The following ORMDL2 variants were observed in gnomAD, a reference collection of about 807,000 sequenced individuals.
The protein encoded by ORMDL2 is ORMDL sphingolipid biosynthesis regulator 2.
A neutral mutation model predicts 13.5 loss-of-function variants in ORMDL2; 11 were observed. That is an observed-to-expected ratio of 0.82 (90% CI 0.51 to 1.35). The LOEUF is 1.35. Among genes scored for constraint, ORMDL2 ranks in the 40% most tolerant of loss-of-function variants. The probability of loss-of-function intolerance (pLI) is 0.00; values close to 1 mark genes in which losing one functional copy is unlikely to be tolerated. For missense variants in ORMDL2, 160 were observed against 191.1 expected (o/e 0.84, Z 0.96); for synonymous variants, 73 against 76.5 (o/e 0.95, Z 0.24).
chr12:55,818,900 C>A, intron 1 of ORMDL2, 99 bp from the exon 2 acceptor site: 1 of 994,496 alleles, frequency 1.0e-6, no homozygotes. Flanking sequence ...CAATAGAGTT[C>A]AGGGGATTGG....
rs1880596988 is a variant in ORMDL2, at chr12:55,819,257, A to G, written c.174+84A>G. 5 of 1,589,094 alleles carry G rather than the reference A, an allele frequency of 3.1e-6. No individual in the cohort carries two copies. The Admixed American group carries it at 8.5e-5, about 27-fold the overall frequency. On this transcript the variant is annotated intron_variant, in intron 2 of 3. Coordinates refer to ENST00000243045, the MANE Select transcript of ORMDL2 (RefSeq NM_014182.5). Reference sequence around the variant, plus strand: ...AAAATCACCAATTGTTTGGGGATTTATGTGTTCCTTTTGGGATCTTAACAT... The same window carrying G: ...AAAATCACCAATTGTTTGGGGATTTGTGTGTTCCTTTTGGGATCTTAACAT...
rs1181345443 is a variant in ORMDL2 at position 55,820,756 on chromosome 12, C to T, written c.*361C>T. ...TTTTTCTTACAATAATTTTTTTCAG[C>T]TATAGCTGCAGTTTAATCAGGATGG... On this transcript the variant is annotated 3_prime_UTR_variant, in exon 4 of 4. Coordinates refer to ENST00000243045, the MANE Select transcript of ORMDL2 (RefSeq NM_014182.5). The T allele has an allele frequency of 8.3e-6, 2 of 241,488 alleles. No individual in the cohort carries two copies. Among genetic ancestry groups the T allele is most frequent in the Non-Finnish European group, 8.4e-6 (1 of 119,336 alleles). The allele number at this position is 241,488 out of a possible 1,614,324, so 15.0% of individuals were successfully genotyped here.
chr12:55,820,694 T>A lies in ORMDL2; in HGVS notation c.*299T>A. 1 of 374,484 alleles carries A rather than the reference T, an allele frequency of 2.7e-6. No homozygotes were observed. Among genetic ancestry groups the A allele is most frequent in the East Asian group, 4.9e-5 (1 of 20,392 alleles). The allele number at this position is 374,484 out of a possible 1,614,324, so 23.2% of individuals were successfully genotyped here. On this transcript the variant is annotated 3_prime_UTR_variant, in exon 4 of 4. Transcript: ENST00000243045. ...TGGTGATTACATCTTTCCATATCTT[T>A]TACACTTACCACCTTCCAGCTCTGT...
chr12:55,819,605 G>A (rs774551682), intron 3 of ORMDL2, 112 bp downstream of exon 3: 1 of 926,110 alleles, frequency 1.1e-6, no homozygotes, highest in Non-Finnish European at 1.7e-6. Context: ...AAAACCCTTT[G>A]AAGATATTAT....
At chr12:55,819,278 A>T in intron 2 of ORMDL2, 64 bp from the exon 3 acceptor site, 1 of 1,591,636 alleles carries the variant, frequency 6.3e-7, no homozygotes, top group Non-Finnish European at 8.6e-7. Flanking sequence ...TTGGGATCTT[A>T]ACATAATTCT....
Position 55,820,191 on chromosome 12 carries a change from T to C in ORMDL2, c.327-69T>C, listed in dbSNP as rs1880628114. 4.9e-6 allele frequency: 7 copies of C among 1,440,304 alleles called. No individual in the cohort carries two copies. The East Asian group carries it at 1.6e-4, about 33-fold the overall frequency. 89.2% of individuals were successfully genotyped at this position (1,440,304 alleles called of 1,614,324 possible). A position where few individuals can be genotyped will look rare whatever the true frequency, so the allele number is the denominator to read the frequency against. On this transcript the variant is annotated intron_variant, in intron 3 of 3. Transcript: ENST00000243045. ...CCTGGGAAACATGGTGAGAACTGTC[T>C]CTTAAAAAAAAAAAAGAATATGGAT... is the stretch of plus-strand genomic sequence containing the variant.
At chr12:55,818,380 TG>T (rs1880571794) in intron 1 of ORMDL2, 1 of 285,946 alleles carries the variant, frequency 3.5e-6, no homozygotes, top group African/African-American at 2.3e-5. Context: ...AGATAATCAC[TG>T]CTGCCCCTGG....
In ORMDL2 at chr12:55,821,258, ACT is replaced by A. The variant is rs1326061803; in HGVS notation, c.*866_*867del. 6.6e-6 allele frequency: 1 copy of A among 152,422 alleles called. No homozygotes were observed. Among genetic ancestry groups the A allele is most frequent in the Non-Finnish European group, 1.5e-5 (1 of 68,004 alleles). 9.4% of individuals were successfully genotyped at this position (152,422 alleles called of 1,614,324 possible). On this transcript the variant is annotated 3_prime_UTR_variant, in exon 4 of 4. Transcript: ENST00000243045. ...GGAAAATTCAGTTTCCAGTCTCTGA[ACT>A]CTATGCGATAATCTCCTATCATTAG...
In ORMDL2 at chr12:55,818,091, G is replaced by T; in HGVS notation, c.-23G>T. The T allele has an allele frequency of 2.0e-6, 1 of 502,432 alleles. No homozygotes were observed. 31.1% of individuals were successfully genotyped at this position (502,432 alleles called of 1,614,324 possible). On this transcript the variant is annotated 5_prime_UTR_variant, in exon 1 of 4. Transcript: ENST00000243045. ...GGTAGCCGGCGCCGCGCCCATAGCC[G>T]GACGGGGATCTGAGCTGGCAGGTAG...
chr12:55,820,370 G>GT lies in ORMDL2; in HGVS notation c.438dup (p.Val147CysfsTer45). 2 of 1,614,130 alleles carry GT rather than the reference G, an allele frequency of 1.2e-6. No individual in the cohort carries two copies. Among genetic ancestry groups the GT allele is most frequent in the South Asian group, 2.2e-5 (2 of 91,080 alleles). ...AAGTTGCCCCAGTTCCATGGGGTTC[G>GT]TGTCTTTGGCATCAACAAATACTGA... is the stretch of plus-strand genomic sequence containing the variant. On this transcript the variant is annotated frameshift_variant, in exon 4 of 4. Transcript: ENST00000243045. LOFTEE classifies it high-confidence loss of function.
rs757805788 is a variant in ORMDL2, at chr12:55,819,502, A to C, written c.326+9A>C. On this transcript the variant is annotated intron_variant, in intron 3 of 3. Coordinates refer to ENST00000243045, the MANE Select transcript of ORMDL2 (RefSeq NM_014182.5). ...ATCTCTCCTATTGTGCTGTGAGTCT[A>C]TGGGGGAAATGAGATATGCTGGGTT... 1 of 1,612,222 alleles carries C rather than the reference A, an allele frequency of 6.2e-7. No individual in the cohort carries two copies. Among genetic ancestry groups the C allele is most frequent in the South Asian group, 1.1e-5 (1 of 90,898 alleles).
At position 55,818,102 on chromosome 12, in the gene ORMDL2, T is replaced by C. The variant is rs1352050735; in HGVS notation, c.-12T>C. ...CCGCGCCCATAGCCGGACGGGGATC[T>C]GAGCTGGCAGGTAGGAGCTGCAAAG... On this transcript the variant is annotated 5_prime_UTR_variant, in exon 1 of 4. Transcript: ENST00000243045. 2.0e-6 allele frequency: 1 copy of C among 492,910 alleles called. No homozygotes were observed. Among genetic ancestry groups the C allele is most frequent in the South Asian group, 1.5e-5 (1 of 64,888 alleles). The allele number at this position is 492,910 out of a possible 1,614,324, so 30.5% of individuals were successfully genotyped here.
intron 3 of ORMDL2, 90 bp downstream of exon 3, chr12:55,819,583 G>A: frequency 8.6e-7 from 1 of 1,165,546 alleles, no homozygotes; most frequent in Non-Finnish European, 1.2e-6. Flanking sequence ...TTAAAAAGCA[G>A]ACTTCTCATC....
At position 55,820,377 on chromosome 12, in the gene ORMDL2, T is replaced by C. The variant is rs1424639726; in HGVS notation, c.444T>C (p.Phe148=). The part of the protein sequence containing the change: ...KLPQFHGVRV[F]GINKY The stretch of plus-strand genomic sequence containing the variant: ...CCCAGTTCCATGGGGTTCGTGTCTT[T>C]GGCATCAACAAATACTGAGGGATGG... The change falls in exon 4 of 4, where the codon TTT becomes TTC. Residue 148 remains phenylalanine, a synonymous_variant. Coordinates refer to ENST00000243045, the MANE Select transcript of ORMDL2 (RefSeq NM_014182.5). 1 of 1,614,206 alleles carries C rather than the reference T, an allele frequency of 6.2e-7. No individual in the cohort carries two copies. The highest frequency in any genetic ancestry group is 1.7e-5 in the Admixed American group (1 of 60,020).
At position 55,819,440 on chromosome 12, in the gene ORMDL2, T is replaced by C. The variant is rs1880604447; in HGVS notation, c.273T>C (p.Tyr91=). 1 of 1,614,054 alleles carries C rather than the reference T, an allele frequency of 6.2e-7. No individual in the cohort carries two copies. Among genetic ancestry groups the C allele is most frequent in the African/African-American group, 1.3e-5 (1 of 74,920 alleles). ...TGACACACTGGGAGCAAATGGACTATGGGCTCCAGTTTACCTCTTCCCGCA... is the reference window on the plus strand; with the variant it reads ...TGACACACTGGGAGCAAATGGACTACGGGCTCCAGTTTACCTCTTCCCGCA... The part of the protein sequence containing the change: ...RLLTHWEQMD[Y]GLQFTSSRKF... Residue 91 remains tyrosine (Y), a synonymous_variant, in exon 3 of 4, where the codon TAT becomes TAC. Coordinates refer to ENST00000243045, the MANE Select transcript of ORMDL2 (RefSeq NM_014182.5).
Position 55,820,413 on chromosome 12 carries a change from A to G in ORMDL2, c.*18A>G, listed in dbSNP as rs1244919311. ...AATACTGAGGGATGGGTTTTGGGAC[A>G]GCTCCATGGGCATGGGGAAGGCACT... is the stretch of plus-strand genomic sequence containing the variant. On this transcript the variant is annotated 3_prime_UTR_variant, in exon 4 of 4. Transcript: ENST00000243045. 1 of 1,614,024 alleles carries G rather than the reference A, an allele frequency of 6.2e-7. No individual in the cohort carries two copies. The highest frequency in any genetic ancestry group is 1.3e-5 in the African/African-American group (1 of 75,060).
rs751278530 is a variant in ORMDL2 at position 55,819,098 on chromosome 12, G to A, written c.99G>A (p.Leu33=). The change falls in exon 2 of 4, where the codon CTG becomes CTA. Residue 33 remains leucine (L), a synonymous_variant. Transcript: ENST00000243045. ...WLAYIILVGL[L]HMVLLSIPFF... ...CCTACATCATCTTGGTAGGATTGCT[G>A]CATATGGTTCTACTCAGCATCCCCT... 1.2e-6 allele frequency: 2 copies of A among 1,614,116 alleles called. No homozygotes were observed. Among genetic ancestry groups the A allele is most frequent in the Non-Finnish European group, 8.5e-7 (1 of 1,179,994 alleles).
Position 55,820,417 on chromosome 12 carries a change from C to T in ORMDL2, c.*22C>T, listed in dbSNP as rs747265933. The T allele has an allele frequency of 1.2e-6, 2 of 1,613,814 alleles. No individual in the cohort carries two copies. The highest frequency in any genetic ancestry group is 1.3e-5 in the African/African-American group (1 of 75,040). On this transcript the variant is annotated 3_prime_UTR_variant, in exon 4 of 4. Transcript: ENST00000243045. ...CTGAGGGATGGGTTTTGGGACAGCT[C>T]CATGGGCATGGGGAAGGCACTGAAA...
chr12:55,821,208 A>T lies in ORMDL2; in HGVS notation c.*813A>T, dbSNP rs1023210328. The T allele has an allele frequency of 6.6e-6, 1 of 152,616 alleles. No homozygotes were observed. The highest frequency in any genetic ancestry group is 6.5e-5 in the Admixed American group (1 of 15,276). 9.5% of individuals were successfully genotyped at this position (152,616 alleles called of 1,614,324 possible). ...GCAGAAAAGAGCCTAAAATTGGGTG[A>T]TTTACCCACAAAGTGAAAGTCGAGG... On this transcript the variant is annotated 3_prime_UTR_variant, in exon 4 of 4. Transcript: ENST00000243045.
Sources: gnomAD v4.1 joint callset for allele counts on GRCh38, gnomAD v4.1.1 for gene constraint, MANE v1.5 for transcripts, NCBI Gene and HGNC (gene_info 2026-07-23, HGNC 2026-07-21) for gene names.